DLG2: variants seen among roughly 807,000 people sequenced by gnomAD.
The protein encoded by DLG2 is disks large homolog 2.
A neutral mutation model predicts 132.5 loss-of-function variants in DLG2; 45 were observed. The ratio of observed to expected loss-of-function variants is 0.34; its 90% confidence interval spans 0.27 to 0.44. The LOEUF (loss-of-function observed/expected upper bound fraction) is 0.44, where lower values mean the gene tolerates loss of function less well. Ranked by LOEUF, DLG2 falls within the 20% of genes least tolerant of loss-of-function variation. The pLI is 1.00. For missense variants in DLG2, 1,045 were observed against 1,196.9 expected, an observed-to-expected ratio of 0.87 and a Z score of 1.87; for synonymous variants, 424 against 419.6, an observed-to-expected ratio of 1.01 and a Z score of -0.13.
At chr11:84,491,824 T>G (rs1278261385) in intron 7 of DLG2, among the ~76,000 whole-genome samples, 1 of 152,194 alleles carries the variant, frequency 6.6e-6, no homozygotes, top group Non-Finnish European at 1.5e-5. Flanking sequence ...ACTGTGAATG[T>G]TAAACATGTG....
chr11:83,769,635 C>T (rs1268621190), intron 18 of DLG2, among the ~76,000 whole-genome samples: 1 of 150,390 alleles, frequency 6.6e-6, no homozygotes, highest in African/African-American at 2.5e-5. Context: ...GCAATCTCAG[C>T]TCACTGCAAC....
At chr11:85,405,078 C>T (rs904633494) in intron 3 of DLG2, among the ~76,000 whole-genome samples, 1 of 151,908 alleles carries the variant, frequency 6.6e-6, no homozygotes, top group Non-Finnish European at 1.5e-5. Flanking sequence ...GAATGACATT[C>T]TATTTGGTCA....
At chr11:84,142,955 C>T (rs73515768) in intron 9 of DLG2, among the ~76,000 whole-genome samples, 20,266 of 151,950 alleles carry the variant, frequency 0.13, 2,334 homozygotes, top group African/African-American at 0.31. Context: ...ATATGTCCTA[C>T]TGATTCTTTT....
At chr11:84,308,143 A>G (rs1049628670) in intron 7 of DLG2, among the ~76,000 whole-genome samples, 1 of 152,072 alleles carries the variant, frequency 6.6e-6, no homozygotes, top group African/African-American at 2.4e-5. Flanking sequence ...CCCCACCCAC[A>G]TCCTGCTGAT....
At chr11:85,125,356 AC>A (rs2074963739) in intron 5 of DLG2, among the ~76,000 whole-genome samples, 1 of 152,144 alleles carries the variant, frequency 6.6e-6, no homozygotes, top group African/African-American at 2.4e-5. Context: ...TGGAGGGAAA[AC>A]CATTTACTAC....
chr11:84,127,656 A>G (rs989247364), intron 9 of DLG2, among the ~76,000 whole-genome samples: 1 of 151,830 alleles, frequency 6.6e-6, no homozygotes, highest in Non-Finnish European at 1.5e-5. Context: ...GCTGCCTCCA[A>G]CTCCTGGGCT....
At chr11:84,163,064 C>CA (rs765909174) in intron 9 of DLG2, among the ~76,000 whole-genome samples, 2 of 151,986 alleles carry the variant, frequency 1.3e-5, no homozygotes, top group East Asian at 3.9e-4. Flanking sequence ...GTTTTTTAAA[C>CA]TAAGTAAGAA....
chr11:84,545,716 C>A, intron 6 of DLG2: 1 of 272,312 alleles, frequency 3.7e-6, no homozygotes, highest in South Asian at 5.2e-5. Flanking sequence ...CTTCAATTTT[C>A]CCACATTCTT....
In DLG2 at chr11:84,315,553, G is replaced by C. The variant is rs61899212; in HGVS notation, c.520-64262C>G. ...AAGAGTATATACAGTGTTCACAACT[G>C]TTAAGACTTTTTATTCAGTTTGGAA... On this transcript the variant is annotated intron_variant, in intron 7 of 27. Coordinates refer to ENST00000376104, the MANE Select transcript of DLG2 (RefSeq NM_001142699.3). 4.1e-3 allele frequency among the ~76,000 whole-genome samples: 631 copies of C among 152,248 alleles called. 2 individuals carry two copies. Among genetic ancestry groups the C allele is most frequent in the Non-Finnish European group, 6.6e-3 (449 of 67,966 alleles).
At chr11:85,515,402 T>C (rs1598168037) in intron 3 of DLG2, among the ~76,000 whole-genome samples, 2 of 151,980 alleles carry the variant, frequency 1.3e-5, no homozygotes, top group Non-Finnish European at 1.5e-5. Context: ...GCAGACCTGA[T>C]TGAATCTCTG....
chr11:85,534,797 C>G (rs2075460966), intron 3 of DLG2, among the ~76,000 whole-genome samples: 1 of 152,172 alleles, frequency 6.6e-6, no homozygotes, highest in Non-Finnish European at 1.5e-5. Flanking sequence ...CTGCAATAAA[C>G]ATATGAGTGC....
intron 7 of DLG2, among the ~76,000 whole-genome samples, chr11:84,527,813 T>C (rs1368057998): frequency 1.3e-5 from 2 of 152,014 alleles, no homozygotes; most frequent in South Asian, 2.1e-4. Context: ...TGTGATAAAA[T>C]ATGAAGTTTA....
chr11:83,639,197 C>A (rs1006853821), intron 18 of DLG2, among the ~76,000 whole-genome samples: 5 of 152,202 alleles, frequency 3.3e-5, no homozygotes, highest in Non-Finnish European at 5.9e-5. Context: ...TGCCCTCCCC[C>A]TTTCCCAAGT....
chr11:85,027,841 TC>T (rs2060666354), intron 6 of DLG2, among the ~76,000 whole-genome samples: 1 of 152,200 alleles, frequency 6.6e-6, no homozygotes, highest in Non-Finnish European at 1.5e-5. Context: ...AGGTCTGGGA[TC>T]CCTGAAGGGC....
chr11:84,170,366 T>C (rs2095792844), intron 8 of DLG2, among the ~76,000 whole-genome samples: 1 of 152,226 alleles, frequency 6.6e-6, no homozygotes, highest in South Asian at 2.1e-4. Context: ...CTTGGTATAA[T>C]GATAAGCACT....
chr11:85,479,277 T>C (rs2093226674), intron 3 of DLG2, among the ~76,000 whole-genome samples: 1 of 152,166 alleles, frequency 6.6e-6, no homozygotes, highest in Non-Finnish European at 1.5e-5. Context: ...AGATTCACTG[T>C]CTCATGAGGG....
At chr11:83,814,738 A>C (rs149387553) in intron 17 of DLG2, 34 of 177,830 alleles carry the variant, frequency 1.9e-4, no homozygotes, top group Middle Eastern at 1.9e-3. Flanking sequence ...TTTCATAAGC[A>C]CTGGCAATCA....
Position 83,833,616 on chromosome 11 carries a change from A to T in DLG2, c.1720T>A (p.Ser574Thr). The change falls in exon 17 of 28, where the codon TCG becomes ACG. Residue 574 changes from serine to threonine, a missense_variant and splice_region_variant. Around this residue, in one of 4 missense-constraint regions of DLG2, gnomAD observed 398 missense variants for 543.6 expected, o/e 0.73. Coordinates refer to ENST00000376104, the MANE Select transcript of DLG2 (RefSeq NM_001142699.3). Reference sequence around the variant, plus strand: ...AAAGATTAAAGAAACATACTCACCGATAGGATCTGGTCTCCTCTCTGGAGC... The same window carrying T: ...AAAGATTAAAGAAACATACTCACCGTTAGGATCTGGTCTCCTCTCTGGAGC... ...GELQRGDQIL[S>T]VNGIDLRGAS... The T allele has an allele frequency of 6.2e-7, 1 of 1,612,790 alleles. No homozygotes were observed. The highest frequency in any genetic ancestry group is 8.5e-7 in the Non-Finnish European group (1 of 1,179,444).
intron 7 of DLG2, among the ~76,000 whole-genome samples, chr11:84,455,881 A>G (rs2099063967): frequency 6.6e-6 from 1 of 151,316 alleles, no homozygotes; most frequent in East Asian, 2.0e-4. Flanking sequence ...CAAAAAGATC[A>G]ATTTGTTTCC....
Sources: allele counts gnomAD v4.1 joint callset (sites outside exome capture counted in the v4.1 genomes callset), GRCh38; gene constraint gnomAD v4.1.1; regional missense constraint gnomAD v4.1.1; transcripts MANE v1.5; gene names NCBI Gene and HGNC (gene_info 2026-07-23, HGNC 2026-07-21).